The following RASGEF1A variants were observed in gnomAD, a reference collection of about 807,000 sequenced individuals.
RASGEF1A encodes ras-GEF domain-containing family member 1A.
A neutral mutation model predicts 56.4 loss-of-function variants in RASGEF1A; 18 were observed. The observed-to-expected ratio is 0.32, with a 90% CI of 0.22 to 0.47. The LOEUF (loss-of-function observed/expected upper bound fraction) is 0.47, where lower values mean the gene tolerates loss of function less well. RASGEF1A is among the 20% of genes least tolerant of loss of function. The pLI is 1.00. For missense variants in RASGEF1A, 422 were observed against 627.1 expected (o/e 0.67, Z 3.49); for synonymous variants, 245 against 242.6 (o/e 1.01, Z -0.09).
At chr10:43,254,055 G>A (rs1169090080) in intron 1 of RASGEF1A, among the ~76,000 whole-genome samples, 2 of 152,210 alleles carry the variant, frequency 1.3e-5, no homozygotes, top group African/African-American at 2.4e-5. Context: ...GGCCCACAGA[G>A]GGCAGACGGA....
chr10:43,225,047 T>G (rs1840256193), intron 1 of RASGEF1A, among the ~76,000 whole-genome samples: 1 of 151,884 alleles, frequency 6.6e-6, no homozygotes, highest in South Asian at 2.1e-4. Flanking sequence ...TGTGTGTCTC[T>G]GCATATGTCT....
At chr10:43,238,138 A>AG (rs908170896) in intron 1 of RASGEF1A, among the ~76,000 whole-genome samples, 6 of 151,770 alleles carry the variant, frequency 4.0e-5, no homozygotes, top group Non-Finnish European at 8.8e-5. Flanking sequence ...TGCCTTCAGG[A>AG]GGGTTTGCCA....
rs541820468 is a variant in RASGEF1A at position 43,264,353 on chromosome 10, C to G, written c.-7+2492G>C. Among the ~76,000 whole-genome samples the G allele has an allele frequency of 4.8e-3, 726 of 151,376 alleles. 3 individuals are homozygous for G. The highest frequency in any genetic ancestry group is 5.9e-3 in the Non-Finnish European group (398 of 67,724). ...GAGCCCTCTCTGGACCCCCGCAGGT[C>G]AGGCTGACAGCCATAGGGGAGGGCC... On this transcript the variant is annotated intron_variant, in intron 1 of 12. Transcript: ENST00000395810.
At chr10:43,230,078 G>C (rs1009817995) in intron 1 of RASGEF1A, among the ~76,000 whole-genome samples, 1 of 151,666 alleles carries the variant, frequency 6.6e-6, no homozygotes, top group Non-Finnish European at 1.5e-5. Context: ...GGGCCGGCGA[G>C]GGGGCGCAGC....
intron 1 of RASGEF1A, among the ~76,000 whole-genome samples, chr10:43,233,014 T>G (rs900606888): frequency 8.2e-6 from 1 of 122,614 alleles, no homozygotes; most frequent in African/African-American, 3.1e-5. Flanking sequence ...CTGCCCACCC[T>G]CCCCCTGCGT....
chr10:43,200,706 G>T lies in RASGEF1A; in HGVS notation c.642C>A (p.Asp214Glu), dbSNP rs1161644660. Residue 214 changes from aspartate (D) to glutamate (E), a missense_variant, in exon 5 of 13, where the codon GAC (aspartate) becomes GAA (glutamate). Physicochemically the swap from Asp to Glu is conservative, Grantham distance 45. Transcript: ENST00000395810. ...TCAGCTGCTGGGCCAGCACCAGGGG[G>T]TCGCAGCACACGCCCAGGATGTCCT... Reference protein sequence around the residue: ...AQKDILGVCCDPLVLAQQLTH... With the variant: ...AQKDILGVCCEPLVLAQQLTH... The T allele has an allele frequency of 6.2e-7, 1 of 1,613,386 alleles. No homozygotes were observed. Among genetic ancestry groups the T allele is most frequent in the Non-Finnish European group, 8.5e-7 (1 of 1,180,024 alleles).
At chr10:43,207,716 T>C (rs887334926) in intron 1 of RASGEF1A, 2 of 985,036 alleles carry the variant, frequency 2.0e-6, no homozygotes, top group African/African-American at 3.5e-5. Context: ...TCACACAAGT[T>C]AGAATGCACA....
In RASGEF1A at chr10:43,196,361, C is replaced by T; in HGVS notation, c.1422-93G>A. On this transcript the variant is annotated intron_variant, in intron 12 of 12. Coordinates refer to ENST00000395810, the MANE Select transcript of RASGEF1A (RefSeq NM_145313.4). The surrounding 1 kb of genome is among the most constrained non-coding windows in gnomAD (Gnocchi z 4.6). ...CCTCCCACCAAACATGCACCAGGGA[C>T]CCTGGACCAGGGACGCGGCAGTGCC... The T allele has an allele frequency of 6.4e-7, 1 of 1,572,454 alleles. No homozygotes were observed. The highest frequency in any genetic ancestry group is 8.7e-7 in the Non-Finnish European group (1 of 1,143,642).
intron 5 of RASGEF1A, 37 bp downstream of exon 5, chr10:43,200,630 G>T: frequency 1.3e-6 from 2 of 1,572,664 alleles, no homozygotes; most frequent in Non-Finnish European, 8.7e-7. Flanking sequence ...TGGTCCCACA[G>T]CCCCCACCCC....
chr10:43,233,564 G>A (rs955783613), intron 1 of RASGEF1A, among the ~76,000 whole-genome samples: 3 of 152,198 alleles, frequency 2.0e-5, no homozygotes, highest in Non-Finnish European at 4.4e-5. Context: ...GCACTAAACT[G>A]CGGTGTGGCA....
chr10:43,262,560 C>T (rs951083661), intron 1 of RASGEF1A, among the ~76,000 whole-genome samples: 24 of 152,368 alleles, frequency 1.6e-4, no homozygotes, highest in African/African-American at 5.5e-4. Flanking sequence ...CACTTCCATG[C>T]ACCTCCCACG....
chr10:43,201,990 A>T, intron 3 of RASGEF1A, 45 bp from the exon 4 acceptor site: 1 of 1,546,254 alleles, frequency 6.5e-7, no homozygotes, highest in Non-Finnish European at 8.8e-7. Flanking sequence ...AGGGCAGAGT[A>T]GGGTACTAGA....
At chr10:43,265,819 G>A (rs567030227) in intron 1 of RASGEF1A, among the ~76,000 whole-genome samples, 2 of 152,378 alleles carry the variant, frequency 1.3e-5, no homozygotes, top group South Asian at 4.1e-4. Context: ...CATCCGGAGG[G>A]GGCGGGAGAA....
chr10:43,265,956 G>C (rs747808745), intron 1 of RASGEF1A, among the ~76,000 whole-genome samples: 5 of 152,264 alleles, frequency 3.3e-5, no homozygotes, highest in Non-Finnish European at 7.3e-5. Flanking sequence ...TGGGAGAAGA[G>C]TGGCAGTGGT....
intron 1 of RASGEF1A, among the ~76,000 whole-genome samples, chr10:43,244,815 C>CT (rs201297485): frequency 0.011 from 1,631 of 152,130 alleles, 18 homozygotes; most frequent in Non-Finnish European, 0.016. Context: ...AAAAGCAGTG[C>CT]TGAGTTTAAA....
At chr10:43,260,061 G>C (rs1263376855) in intron 1 of RASGEF1A, among the ~76,000 whole-genome samples, 1 of 152,182 alleles carries the variant, frequency 6.6e-6, no homozygotes, top group Non-Finnish European at 1.5e-5. Context: ...AGGCTCACTG[G>C]CAAAATCAGT....
chr10:43,257,341 C>T lies in RASGEF1A; in HGVS notation c.-7+9504G>A, dbSNP rs113679115. Among the ~76,000 whole-genome samples, 22 of 152,366 alleles carry T rather than the reference C, an allele frequency of 1.4e-4. 2 individuals are homozygous for T. Among genetic ancestry groups the T allele is most frequent in the African/African-American group, 5.3e-4 (22 of 41,590 alleles). ...CACCCTGGGCCCACTTGTGTCTAGA[C>T]ACCCCTCACCAGGTGGGCAGCTCAT... On this transcript the variant is annotated intron_variant, in intron 1 of 12. Transcript: ENST00000395810.
intron 3 of RASGEF1A, chr10:43,202,668 G>A (rs1213037819): frequency 3.1e-5 from 7 of 229,326 alleles, no homozygotes; most frequent in Non-Finnish European, 6.6e-5. Context: ...CACCCAGCCC[G>A]CAACTCTGCA....
At chr10:43,229,538 G>C in intron 1 of RASGEF1A, 1 of 1,070,284 alleles carries the variant, frequency 9.3e-7, no homozygotes, top group Non-Finnish European at 1.3e-6. Flanking sequence ...GCACCCTCCC[G>C]CACGGGTCGG....
Sources: allele counts gnomAD v4.1 joint callset (sites outside exome capture counted in the v4.1 genomes callset), GRCh38; gene constraint gnomAD v4.1.1; non-coding constraint Gnocchi (gnomAD v3.1); transcripts MANE v1.5; gene names NCBI Gene and HGNC (gene_info 2026-07-23, HGNC 2026-07-21).